The following EMCN variants were observed in gnomAD, a reference collection of about 807,000 sequenced individuals.
The protein encoded by EMCN is MUC-14.
Under a neutral mutation model 38.4 loss-of-function variants are expected in EMCN, and 37 were observed. The ratio of observed to expected loss-of-function variants is 0.96; its 90% CI spans 0.74 to 1.27. The LOEUF (loss-of-function observed/expected upper bound fraction) is 1.27, where lower values mean the gene tolerates loss of function less well. EMCN is among the 50% of genes most tolerant of loss of function. EMCN has a pLI of 0.00. For missense variants in EMCN, 318 were observed against 302.8 expected (o/e 1.05, Z -0.37); for synonymous variants, 95 against 100.8 (o/e 0.94, Z 0.35).
chr4:100,428,699 T>C (rs1727119105), intron 5 of EMCN, among the ~76,000 whole-genome samples: 1 of 152,184 alleles, frequency 6.6e-6, no homozygotes, highest in African/African-American at 2.4e-5. Flanking sequence ...GATTACCTTT[T>C]AATCTTAACA....
chr4:100,495,388 A>G (rs117153313), intron 1 of EMCN, among the ~76,000 whole-genome samples: 1 of 152,242 alleles, frequency 6.6e-6, no homozygotes, highest in East Asian at 1.9e-4. Flanking sequence ...GATAATCAGA[A>G]CAAATAAAAT....
chr4:100,491,847 A>G (rs1294566502), intron 1 of EMCN, among the ~76,000 whole-genome samples: 3 of 152,220 alleles, frequency 2.0e-5, no homozygotes, highest in African/African-American at 7.2e-5. Flanking sequence ...CTCTCTGACC[A>G]GGGTTGTTAC....
At chr4:100,446,232 C>T (rs1244848473) in intron 5 of EMCN, 3 of 984,444 alleles carry the variant, frequency 3.0e-6, no homozygotes, top group South Asian at 9.4e-5. Context: ...TCCTCTAGTG[C>T]CTGCCAATTT....
intron 10 of EMCN, among the ~76,000 whole-genome samples, chr4:100,413,168 C>T (rs184153660): frequency 1.6e-3 from 241 of 152,284 alleles, no homozygotes; most frequent in African/African-American, 5.6e-3. Flanking sequence ...CTTCTATGCT[C>T]ATTAATTAAC....
chr4:100,417,359 G>A (rs1402587713), intron 8 of EMCN, among the ~76,000 whole-genome samples: 2 of 152,146 alleles, frequency 1.3e-5, no homozygotes, highest in Admixed American at 6.6e-5. Context: ...ATTAGGTCAA[G>A]TCCACTAAAC....
intron 7 of EMCN, among the ~76,000 whole-genome samples, 191 bp downstream of exon 7, chr4:100,422,822 CTTTTTTTT>C (rs71878999): frequency 8.2e-6 from 1 of 122,654 alleles, no homozygotes; most frequent in Non-Finnish European, 1.9e-5. Context: ...TCTTTCTTTT[CTTTTTTTT>C]TTTTTTTGTC....
At chr4:100,421,923 G>T (rs1489029556) in intron 7 of EMCN, among the ~76,000 whole-genome samples, 1 of 152,030 alleles carries the variant, frequency 6.6e-6, no homozygotes, top group Non-Finnish European at 1.5e-5. Flanking sequence ...ATGTGTATGT[G>T]TGTCTGTTTG....
At chr4:100,461,168 G>A (rs1315558586) in intron 4 of EMCN, among the ~76,000 whole-genome samples, 5 of 152,052 alleles carry the variant, frequency 3.3e-5, no homozygotes, top group African/African-American at 1.2e-4. Flanking sequence ...ATCAGCACCT[G>A]TGCACTTTGT....
intron 8 of EMCN, among the ~76,000 whole-genome samples, chr4:100,420,070 A>T (rs1024520778): frequency 3.3e-5 from 5 of 152,214 alleles, no homozygotes; most frequent in Admixed American, 3.3e-4. Context: ...CATATTTAGA[A>T]TTAAAGTGGG....
chr4:100,416,985 GACAA>G, intron 9 of EMCN, 128 bp downstream of exon 9: 2 of 848,440 alleles, frequency 2.4e-6, no homozygotes, highest in East Asian at 2.5e-5. Context: ...AGAGAGCTCT[GACAA>G]ACAGTTAAAG....
chr4:100,456,996 AT>A (rs1347794331), intron 4 of EMCN, among the ~76,000 whole-genome samples: 8 of 152,104 alleles, frequency 5.3e-5, no homozygotes, highest in Non-Finnish European at 1.2e-4. Context: ...ATAACGTAAA[AT>A]TTTTAACTTG....
chr4:100,400,041 T>C (rs747815393), intron 11 of EMCN, among the ~76,000 whole-genome samples: 2 of 152,144 alleles, frequency 1.3e-5, no homozygotes, highest in African/African-American at 2.4e-5. Flanking sequence ...CTTCATGATT[T>C]ATCTTGGGAA....
At chr4:100,489,252 T>C (rs150047089) in intron 1 of EMCN, among the ~76,000 whole-genome samples, 179 of 152,308 alleles carry the variant, frequency 1.2e-3, no homozygotes, top group African/African-American at 4.1e-3. Flanking sequence ...TGCTACTACT[T>C]TAGTACTCTG....
intron 1 of EMCN, among the ~76,000 whole-genome samples, chr4:100,515,292 G>A (rs1266964657): frequency 4.6e-5 from 7 of 151,984 alleles, no homozygotes; most frequent in Admixed American, 3.9e-4. Flanking sequence ...AGATTTAAAC[G>A]CCAGGGTAGG....
intron 5 of EMCN, among the ~76,000 whole-genome samples, chr4:100,441,415 C>G (rs1727513553): frequency 6.6e-6 from 1 of 152,128 alleles, no homozygotes; most frequent in Non-Finnish European, 1.5e-5. Context: ...AACTGGGTGT[C>G]TTGTAGGCAG....
chr4:100,413,657 A>G (rs1726628963), intron 10 of EMCN, among the ~76,000 whole-genome samples: 1 of 152,094 alleles, frequency 6.6e-6, no homozygotes, highest in Non-Finnish European at 1.5e-5. Context: ...ACTGAAGTCT[A>G]CTCTGAATCA....
At chr4:100,448,984 A>G (rs1479975995) in intron 4 of EMCN, among the ~76,000 whole-genome samples, 3 of 151,942 alleles carry the variant, frequency 2.0e-5, no homozygotes. Flanking sequence ...CATTCATTCA[A>G]CAGTACTTTT....
At chr4:100,439,117 G>A (rs368473064) in intron 5 of EMCN, among the ~76,000 whole-genome samples, 1 of 152,012 alleles carries the variant, frequency 6.6e-6, no homozygotes, top group South Asian at 2.1e-4. Flanking sequence ...AGGTGATGTG[G>A]TCCTTATAAA....
At chr4:100,457,189 G>A (rs1728040308) in intron 4 of EMCN, among the ~76,000 whole-genome samples, 2 of 93,654 alleles carry the variant, frequency 2.1e-5, no homozygotes. Context: ...ATATAGTTTG[G>A]TTGTGTGTGT....
Sources: allele counts gnomAD v4.1 joint callset (sites outside exome capture counted in the v4.1 genomes callset), GRCh38; gene constraint gnomAD v4.1.1; transcripts MANE v1.5; gene names NCBI Gene and HGNC (gene_info 2026-07-23, HGNC 2026-07-21).